Variants in TENM1 observed in about 807,000 individuals in gnomAD.
TENM1 encodes teneurin transmembrane protein 1.
TENM1 carries 35 observed loss-of-function variants against 174.8 expected under a neutral mutation model. The observed-to-expected ratio is 0.20, with a 90% CI of 0.15 to 0.27. The LOEUF (loss-of-function observed/expected upper bound fraction) is 0.27. Ranked by LOEUF, TENM1 falls within the 10% of genes least tolerant of loss-of-function variation. TENM1 has a pLI of 1.00. For missense variants in TENM1, 1,633 were observed against 2,130.1 expected, an observed-to-expected ratio of 0.77 and a Z score of 4.59; for synonymous variants, 781 against 798.7, an observed-to-expected ratio of 0.98 and a Z score of 0.37.
intron 11 of TENM1, among the ~76,000 whole-genome samples, chrX:124,568,570 C>G (rs941570857): frequency 3.6e-5 from 4 of 111,606 alleles, no homozygotes; most frequent in African/African-American, 1.3e-4. Context: ...GGTACTTTGT[C>G]AAGTATGCAT....
chrX:124,483,363 G>T (rs1358213473), intron 21 of TENM1, among the ~76,000 whole-genome samples: 14 of 111,516 alleles, frequency 1.3e-4, no homozygotes, highest in Non-Finnish European at 2.3e-4. Flanking sequence ...CCTGCCAGTT[G>T]CAATAAAGCT....
chrX:125,032,844 G>A, the TENM1 span, among the ~76,000 whole-genome samples: 1 of 111,582 alleles, frequency 9.0e-6, no homozygotes, highest in East Asian at 2.8e-4. Context: ...CTGTCCCAAG[G>A]ATTCTTGCAT....
At chrX:124,770,927 C>T (rs2054640041) in intron 3 of TENM1, among the ~76,000 whole-genome samples, 1 of 111,753 alleles carries the variant, frequency 8.9e-6, no homozygotes, top group Admixed American at 9.5e-5. Flanking sequence ...ATTTGCATAA[C>T]TGAAACTTAG....
intron 4 of TENM1, among the ~76,000 whole-genome samples, chrX:124,707,283 A>G (rs111744338): frequency 0.014 from 1,626 of 112,240 alleles, 37 homozygotes; most frequent in African/African-American, 0.05. Context: ...GATTACAGGC[A>G]TGAGCCACTG....
At chrX:125,044,220 AAAT>A in the TENM1 span, among the ~76,000 whole-genome samples, 2 of 99,828 alleles carry the variant, frequency 2.0e-5, no homozygotes, top group Admixed American at 2.1e-4. Flanking sequence ...AATAAAAAAA[AAAT>A]AAAAAAAAAA....
At chrX:124,693,989 G>C (rs890740084) in intron 5 of TENM1, among the ~76,000 whole-genome samples, 11 of 110,982 alleles carry the variant, frequency 9.9e-5, no homozygotes, top group African/African-American at 3.6e-4. Context: ...CTTTTGGATA[G>C]GGGGTTTGGT....
At chrX:124,485,638 A>C (rs963527945) in intron 21 of TENM1, among the ~76,000 whole-genome samples, 11 of 111,486 alleles carry the variant, frequency 9.9e-5, no homozygotes, top group African/African-American at 3.6e-4. Flanking sequence ...ATTTGCACAA[A>C]AGCACTTTGG....
chrX:124,762,631 C>T (rs1369723648), intron 3 of TENM1, among the ~76,000 whole-genome samples: 1 of 111,440 alleles, frequency 9.0e-6, no homozygotes, highest in Admixed American at 9.6e-5. Flanking sequence ...CTCTCTTATA[C>T]ACAGAGAGGT....
chrX:124,777,660 T>G (rs1258801942), intron 3 of TENM1, among the ~76,000 whole-genome samples: 1 of 112,284 alleles, frequency 8.9e-6, no homozygotes, highest in Non-Finnish European at 1.9e-5. Flanking sequence ...AGTAGAATTG[T>G]GCAACAAGGA....
the TENM1 span, among the ~76,000 whole-genome samples, chrX:125,060,610 T>C: frequency 1.8e-5 from 2 of 110,791 alleles, no homozygotes; most frequent in African/African-American, 3.3e-5. Flanking sequence ...AATTATATGG[T>C]TCCTGGAGGC....
the TENM1 span, among the ~76,000 whole-genome samples, chrX:125,017,883 G>C: frequency 9.0e-6 from 1 of 111,374 alleles, no homozygotes; most frequent in Non-Finnish European, 1.9e-5. Context: ...TTGGGGGCTA[G>C]GGAAGGGATA....
chrX:124,892,502 G>C (rs1401888623), intron 3 of TENM1, among the ~76,000 whole-genome samples: 1 of 112,036 alleles, frequency 8.9e-6, no homozygotes, highest in East Asian at 2.8e-4. Flanking sequence ...AAAGAAACAA[G>C]TCCTTATAAA....
At chrX:124,529,011 T>C (rs958596366) in intron 16 of TENM1, among the ~76,000 whole-genome samples, 7 of 111,685 alleles carry the variant, frequency 6.3e-5, no homozygotes, top group Non-Finnish European at 1.1e-4. Context: ...TGAAATGAGA[T>C]AGTTTCTCAC....
intron 4 of TENM1, among the ~76,000 whole-genome samples, chrX:124,719,760 C>A (rs750150365): frequency 1.8e-5 from 2 of 112,066 alleles, no homozygotes; most frequent in South Asian, 7.5e-4. Flanking sequence ...ATGCACTCTG[C>A]TGACCTCTAA....
the TENM1 span, among the ~76,000 whole-genome samples, chrX:125,203,219 C>G: frequency 1.8e-5 from 2 of 113,057 alleles, no homozygotes; most frequent in South Asian, 7.2e-4. Flanking sequence ...CAGAAGCAAA[C>G]AGGTACTAAA....
intron 5 of TENM1, among the ~76,000 whole-genome samples, chrX:124,676,328 G>T (rs1419027036): frequency 2.9e-5 from 2 of 68,978 alleles, no homozygotes; most frequent in Non-Finnish European, 5.5e-5. Flanking sequence ...AATGAATGGA[G>T]ATGGATGCTA....
chrX:124,850,049 A>G (rs2056688939), intron 3 of TENM1, among the ~76,000 whole-genome samples: 1 of 111,997 alleles, frequency 8.9e-6, no homozygotes, highest in Admixed American at 9.5e-5. Flanking sequence ...AGAGGGTACA[A>G]AATTTGCCCA....
intron 1 of TENM1, among the ~76,000 whole-genome samples, chrX:124,901,081 T>C: frequency 9.0e-6 from 1 of 111,516 alleles, no homozygotes; most frequent in Middle Eastern, 4.3e-3. Flanking sequence ...CATGAGCCAC[T>C]ATGCCCGACT....
chrX:124,932,929 C>T (rs1263055617), intron 1 of TENM1, among the ~76,000 whole-genome samples: 1 of 111,722 alleles, frequency 9.0e-6, no homozygotes, highest in African/African-American at 3.3e-5. Flanking sequence ...GGCATCTCTG[C>T]ATACTTAGGT....
Sources: allele counts gnomAD v4.1 joint callset (sites outside exome capture counted in the v4.1 genomes callset), GRCh38; gene constraint gnomAD v4.1.1; transcripts MANE v1.5; gene names NCBI Gene and HGNC (gene_info 2026-07-23, HGNC 2026-07-21).